The following ANGEL1 variants were observed in gnomAD, a reference collection of about 807,000 sequenced individuals.
ANGEL1 encodes the protein angel homolog 1.
In ANGEL1, 62 loss-of-function variants were observed where a neutral mutation model predicts 76.4. The observed-to-expected ratio is 0.81, with a 90% CI of 0.66 to 1.00. The LOEUF (loss-of-function observed/expected upper bound fraction) is 1.00. Among genes scored for constraint, ANGEL1 ranks in the 50% least tolerant of loss-of-function variants. The pLI is 0.00. For synonymous variants in ANGEL1, 340 were observed against 331.7 expected (o/e 1.03, Z -0.27); for missense variants, 737 against 836.7 (o/e 0.88, Z 1.47).
intron 9 of ANGEL1, 37 bp downstream of exon 9, chr14:76,790,574 C>T: frequency 1.9e-6 from 3 of 1,578,548 alleles, no homozygotes; most frequent in Non-Finnish European, 1.7e-6. Flanking sequence ...TTCCCAGGGA[C>T]CTGGGGGTGG....
intron 1 of ANGEL1, chr14:76,812,383 C>A: frequency 9.4e-7 from 1 of 1,058,382 alleles, no homozygotes; most frequent in Non-Finnish European, 1.1e-6. Flanking sequence ...AGAATTTGGG[C>A]ACTCGCCTAG....
In ANGEL1 at chr14:76,812,733, G is replaced by A. The variant is rs774851941; in HGVS notation, c.64+31C>T. 6 of 1,500,800 alleles carry A rather than the reference G, an allele frequency of 4.0e-6. No individual in the cohort carries two copies. The South Asian group carries it at 6.3e-5, about 16-fold the overall frequency. The allele number at this position is 1,500,800 out of a possible 1,614,324, so 93.0% of individuals were successfully genotyped here. On this transcript the variant is annotated intron_variant, in intron 1 of 9. Coordinates refer to ENST00000251089, the MANE Select transcript of ANGEL1 (RefSeq NM_015305.4). Reference sequence around the variant, plus strand: ...CCCCGCAGAGGCGAGCCCTGGCCGGGCTCCTGTCTGTCGGTACGCCTGGCC... The same window carrying A: ...CCCCGCAGAGGCGAGCCCTGGCCGGACTCCTGTCTGTCGGTACGCCTGGCC...
chr14:76,801,039 C>G (rs9972223), intron 7 of ANGEL1, among the ~76,000 whole-genome samples: 4,632 of 151,392 alleles, frequency 0.031, 255 homozygotes, highest in African/African-American at 0.11. Flanking sequence ...AATCTTTTAA[C>G]TGCCCAAAAG....
chr14:76,794,576 C>A (rs903738976), intron 7 of ANGEL1, among the ~76,000 whole-genome samples: 3 of 150,554 alleles, frequency 2.0e-5, no homozygotes, highest in African/African-American at 7.4e-5. Flanking sequence ...GAGGCTGAGG[C>A]AGAAGAATCG....
In ANGEL1 at chr14:76,812,745, C is replaced by G; in HGVS notation, c.64+19G>C. Reference sequence around the variant, plus strand: ...GAGCCCTGGCCGGGCTCCTGTCTGTCGGTACGCCTGGCCGGTACCTGAGAG... The same window carrying G: ...GAGCCCTGGCCGGGCTCCTGTCTGTGGGTACGCCTGGCCGGTACCTGAGAG... On this transcript the variant is annotated intron_variant, in intron 1 of 9. Coordinates refer to ENST00000251089, the MANE Select transcript of ANGEL1 (RefSeq NM_015305.4). The G allele has an allele frequency of 6.6e-7, 1 of 1,509,354 alleles. No homozygotes were observed. The highest frequency in any genetic ancestry group is 1.2e-5 in the South Asian group (1 of 80,690). The allele number at this position is 1,509,354 out of a possible 1,614,324, so 93.5% of individuals were successfully genotyped here.
chr14:76,805,604 G>A (rs918719116), intron 5 of ANGEL1, among the ~76,000 whole-genome samples: 3 of 152,148 alleles, frequency 2.0e-5, no homozygotes, highest in South Asian at 4.1e-4. Flanking sequence ...ATAAAACTAC[G>A]AGGTGTTTGT....
chr14:76,805,289 T>C (rs1159478342), intron 5 of ANGEL1, among the ~76,000 whole-genome samples: 1 of 152,188 alleles, frequency 6.6e-6, no homozygotes, highest in East Asian at 1.9e-4. Context: ...CTCAGGACTG[T>C]CTGGCTTCAA....
At chr14:76,798,489 G>A (rs867604034) in intron 7 of ANGEL1, among the ~76,000 whole-genome samples, 2 of 152,148 alleles carry the variant, frequency 1.3e-5, no homozygotes, top group African/African-American at 2.4e-5. Flanking sequence ...AATTTCTATT[G>A]TTTAAAAGCT....
chr14:76,806,312 G>T, intron 5 of ANGEL1, 104 bp downstream of exon 5: 1 of 1,211,906 alleles, frequency 8.3e-7, no homozygotes, highest in Non-Finnish European at 1.1e-6. Flanking sequence ...GAGCAGGCCA[G>T]AGCAGGTGTA....
chr14:76,806,997 G>A, intron 4 of ANGEL1, 148 bp from the exon 5 acceptor site: 1 of 919,856 alleles, frequency 1.1e-6, no homozygotes, highest in Non-Finnish European at 1.6e-6. Flanking sequence ...TGGTTCAGCA[G>A]GTTCCCCCTT....
chr14:76,789,004 G>A lies in ANGEL1; in HGVS notation c.*224C>T, dbSNP rs1200085725. ...TCTGCCTCTCCCAGGGCCACTGAGTGTGTGGCACAGGATTAGGAAGAGGCT... is the reference window on the plus strand; with the variant it reads ...TCTGCCTCTCCCAGGGCCACTGAGTATGTGGCACAGGATTAGGAAGAGGCT... On this transcript the variant is annotated 3_prime_UTR_variant, in exon 10 of 10. Transcript: ENST00000251089. 7.4e-6 allele frequency: 4 copies of A among 543,822 alleles called. No homozygotes were observed. The highest frequency in any genetic ancestry group is 1.3e-5 in the Non-Finnish European group (4 of 312,092). 33.7% of individuals were successfully genotyped at this position (543,822 alleles called of 1,614,324 possible).
Position 76,803,448 on chromosome 14 carries a change from C to T in ANGEL1, c.1541G>A (p.Arg514His), listed in dbSNP as rs143113199. 8.4e-5 allele frequency: 136 copies of T among 1,614,202 alleles called. No individual in the cohort carries two copies. The East Asian group carries it at 2.3e-3, about 27-fold the overall frequency. Residue 514 changes from arginine to histidine, a missense_variant, in exon 7 of 10, where the codon CGT becomes CAT. Physicochemically the swap from Arg to His is conservative, Grantham distance 29. This residue lies in a region of ANGEL1 where 296 missense variants were observed against 387.2 expected (regional missense o/e 0.76). Coordinates refer to ENST00000251089, the MANE Select transcript of ANGEL1 (RefSeq NM_015305.4). ...RRKYGRDFLL[R>H]FRFCSIACQR... ...ACAAGCGATGCTGCAGAAGCGGAAA[C>T]GTAGCAGGAAGTCTCGGCCATACTT...
intron 7 of ANGEL1, among the ~76,000 whole-genome samples, chr14:76,796,341 C>T (rs763460398): frequency 9.9e-5 from 15 of 151,040 alleles, no homozygotes; most frequent in African/African-American, 2.4e-4. Flanking sequence ...CTTGACCTTC[C>T]GGGCTCAAGT....
intron 5 of ANGEL1, 132 bp from the exon 6 acceptor site, chr14:76,804,044 A>AT: frequency 6.4e-7 from 1 of 1,574,402 alleles, no homozygotes; most frequent in Non-Finnish European, 8.6e-7. Flanking sequence ...AAACAAGCAT[A>AT]TAAGTCTCAG....
intron 7 of ANGEL1, among the ~76,000 whole-genome samples, chr14:76,796,965 A>T (rs1894598277): frequency 6.6e-6 from 1 of 152,146 alleles, no homozygotes; most frequent in Non-Finnish European, 1.5e-5. Flanking sequence ...GACCTGCAGG[A>T]TCTTAAACAT....
intron 9 of ANGEL1, among the ~76,000 whole-genome samples, chr14:76,790,026 G>A (rs1469375516): frequency 1.3e-5 from 2 of 152,044 alleles, no homozygotes; most frequent in East Asian, 1.9e-4. Flanking sequence ...ACCACACCCG[G>A]CTAATTTTTT....
rs751305899 is a variant in ANGEL1, at chr14:76,806,617, G to A, written c.1179C>T (p.Ile393=). ...VAPLCVANTH[I]LYNPRRGDVK... ...CATCGCCCCGGCGTGGGTTGTAAAGGATATGGGTATTTGCCACACACAGCG... is the reference window on the plus strand; with the variant it reads ...CATCGCCCCGGCGTGGGTTGTAAAGAATATGGGTATTTGCCACACACAGCG... The change falls in exon 5 of 10, where the codon ATC becomes ATT. Residue 393 remains isoleucine, a synonymous_variant. Transcript: ENST00000251089. 6 of 1,614,048 alleles carry A rather than the reference G, an allele frequency of 3.7e-6. No homozygotes were observed. The highest frequency in any genetic ancestry group is 5.1e-6 in the Non-Finnish European group (6 of 1,180,032).
At chr14:76,803,312 G>T in intron 7 of ANGEL1, 59 bp downstream of exon 7, 4 of 1,368,426 alleles carry the variant, frequency 2.9e-6, no homozygotes, top group South Asian at 2.4e-5. Context: ...CCACATAACT[G>T]ACCAATATCA....
At chr14:76,807,052 A>G (rs1039750317) in intron 4 of ANGEL1, among the ~76,000 whole-genome samples, 3 of 152,208 alleles carry the variant, frequency 2.0e-5, no homozygotes, top group African/African-American at 7.2e-5. Flanking sequence ...CAAGGAGGGA[A>G]GGGTATGAAG....
Sources: gnomAD v4.1 joint callset for allele counts (sites outside exome capture counted in the v4.1 genomes callset) on GRCh38, gnomAD v4.1.1 for gene constraint, gnomAD v4.1.1 regional missense constraint, MANE v1.5 for transcripts, NCBI Gene and HGNC (gene_info 2026-07-23, HGNC 2026-07-21) for gene names.